LGR5: variants seen among roughly 807,000 people sequenced by gnomAD.
LGR5 encodes the protein leucine rich repeat containing G protein-coupled receptor 5.
A neutral mutation model predicts 76.7 loss-of-function variants in LGR5; 54 were observed. That is an observed-to-expected ratio of 0.70 (90% CI 0.57 to 0.88). LGR5 has a LOEUF of 0.88. Among genes scored for constraint, LGR5 ranks in the 40% least tolerant of loss-of-function variants. The pLI is 0.00. For synonymous variants in LGR5, 406 were observed against 421.9 expected, an observed-to-expected ratio of 0.96 and a Z score of 0.46; for missense variants, 1,078 against 1,073.3, an observed-to-expected ratio of 1.00 and a Z score of -0.06.
intron 3 of LGR5, among the ~76,000 whole-genome samples, chr12:71,532,241 T>C (rs1876355115): frequency 6.6e-6 from 1 of 152,116 alleles, no homozygotes; most frequent in Non-Finnish European, 1.5e-5. Flanking sequence ...CTTGGGAAAA[T>C]GTAAAATAAC....
chr12:71,524,861 G>T (rs139755566), intron 3 of LGR5, among the ~76,000 whole-genome samples: 1 of 152,094 alleles, frequency 6.6e-6, no homozygotes, highest in Non-Finnish European at 1.5e-5. Context: ...GCTTCAAACC[G>T]GTTTCAAAGG....
intron 13 of LGR5, among the ~76,000 whole-genome samples, chr12:71,574,649 A>G (rs1018907834): frequency 6.6e-6 from 1 of 152,184 alleles, no homozygotes; most frequent in African/African-American, 2.4e-5. Context: ...CAAACTTCCC[A>G]GCAACACTCT....
chr12:71,535,175 C>T lies in LGR5; in HGVS notation c.417C>T (p.Ser139=), dbSNP rs779090996. ...VPTEALQNLR[S]LQSLRLDANH... ...CAGAAGCTCTGCAGAATTTGCGAAGCCTTCAATCCCTGTAAGTATAGTAGA... is the reference window on the plus strand; with the variant it reads ...CAGAAGCTCTGCAGAATTTGCGAAGTCTTCAATCCCTGTAAGTATAGTAGA... The change falls in exon 4 of 18, where the codon AGC becomes AGT. Residue 139 remains serine (S), a synonymous_variant. Coordinates refer to ENST00000266674, the MANE Select transcript of LGR5 (RefSeq NM_003667.4). 3 of 1,602,006 alleles carry T rather than the reference C, an allele frequency of 1.9e-6. No homozygotes were observed. Among genetic ancestry groups the T allele is most frequent in the Non-Finnish European group, 2.6e-6 (3 of 1,169,590 alleles).
intron 2 of LGR5, among the ~76,000 whole-genome samples, chr12:71,520,369 G>A (rs534815473): frequency 8.5e-5 from 13 of 152,270 alleles, no homozygotes; most frequent in Non-Finnish European, 1.6e-4. Flanking sequence ...GACAGAGGAT[G>A]TAGAATAGAA....
In LGR5 at chr12:71,583,873, T is replaced by C; in HGVS notation, c.1863T>C (p.Phe621=). The C allele has an allele frequency of 6.2e-7, 1 of 1,614,184 alleles. No homozygotes were observed. Among genetic ancestry groups the C allele is most frequent in the Non-Finnish European group, 8.5e-7 (1 of 1,180,036 alleles). Residue 621 remains phenylalanine (F), a synonymous_variant, in exon 18 of 18, where the codon TTT becomes TTC. Transcript: ENST00000266674. Reference sequence around the variant, plus strand: ...TGGCTGGTGTGGATGCGTTCACTTTTGGCAGCTTTGCACGACATGGTGCCT... The same window carrying C: ...TGGCTGGTGTGGATGCGTTCACTTTCGGCAGCTTTGCACGACATGGTGCCT... The part of the protein sequence containing the change: ...AVLAGVDAFT[F]GSFARHGAWW...
intron 1 of LGR5, among the ~76,000 whole-genome samples, chr12:71,497,196 T>C (rs546536934): frequency 1.3e-5 from 2 of 152,134 alleles, no homozygotes; most frequent in South Asian, 4.2e-4. Context: ...AAACCTGTGG[T>C]TCCAGCTATC....
chr12:71,583,492 T>C (rs948798442), intron 17 of LGR5, 155 bp from the exon 18 acceptor site: 1 of 817,336 alleles, frequency 1.2e-6, no homozygotes, highest in African/African-American at 1.7e-5. Flanking sequence ...TGACAGTGGC[T>C]TGAGATAGTG....
chr12:71,456,854 C>T (rs1872501446), intron 1 of LGR5, among the ~76,000 whole-genome samples: 1 of 152,096 alleles, frequency 6.6e-6, no homozygotes, highest in African/African-American at 2.4e-5. Context: ...CAAGCCAAAG[C>T]TTTAGAAGCT....
rs780336268 is a variant in LGR5, at chr12:71,583,970, C to T, written c.1960C>T (p.Leu654=). 1.2e-6 allele frequency: 2 copies of T among 1,614,170 alleles called. No homozygotes were observed. The highest frequency in any genetic ancestry group is 1.7e-5 in the Admixed American group (1 of 60,022). Residue 654 remains leucine, a synonymous_variant, in exon 18 of 18, where the codon CTG becomes TTG. Coordinates refer to ENST00000266674, the MANE Select transcript of LGR5 (RefSeq NM_003667.4). ...TTTTGCTTCAGAATCATCTGTTTTC[C>T]TGCTTACTCTGGCAGCCCTGGAGCG... The part of the protein sequence containing the change: ...SIFASESSVF[L]LTLAALERGF...
intron 3 of LGR5, among the ~76,000 whole-genome samples, chr12:71,526,828 C>A (rs1876030342): frequency 1.3e-5 from 2 of 152,104 alleles, no homozygotes. Context: ...GGAGCTGAAT[C>A]TTGAAGCACA....
At chr12:71,514,190 T>A (rs767922898) in intron 2 of LGR5, among the ~76,000 whole-genome samples, 38 of 152,104 alleles carry the variant, frequency 2.5e-4, no homozygotes, top group Non-Finnish European at 4.7e-4. Context: ...TTGTATAGAA[T>A]GTATCTTATA....
chr12:71,553,254 T>C lies in LGR5; in HGVS notation c.610T>C (p.Tyr204His). 1.2e-6 allele frequency: 2 copies of C among 1,613,948 alleles called. No individual in the cohort carries two copies. The highest frequency in any genetic ancestry group is 4.5e-5 in the East Asian group (2 of 44,836). Residue 204 changes from tyrosine (Y) to histidine (H), a missense_variant, in exon 5 of 18, where the codon TAT becomes CAT. Physicochemically the swap from Tyr to His is moderately conservative, Grantham distance 83. Transcript: ENST00000266674. ...GAACAAAATACACCACATACCAGAC[T>C]ATGCCTTTGGAAACCTCTCCAGCTT... Reference protein sequence around the residue: ...ALNKIHHIPDYAFGNLSSLVV... With the variant: ...ALNKIHHIPDHAFGNLSSLVV...
At chr12:71,528,031 G>A (rs1321615971) in intron 3 of LGR5, among the ~76,000 whole-genome samples, 1 of 152,180 alleles carries the variant, frequency 6.6e-6, no homozygotes, top group Non-Finnish European at 1.5e-5. Context: ...TTCTGCATAT[G>A]CTTAATAATT....
intron 1 of LGR5, among the ~76,000 whole-genome samples, chr12:71,493,413 AT>A (rs1874167365): frequency 6.6e-6 from 1 of 151,160 alleles, no homozygotes; most frequent in Non-Finnish European, 1.5e-5. Flanking sequence ...ATTTTTGTGT[AT>A]TTTCTTTGCA....
intron 16 of LGR5, 189 bp from the exon 17 acceptor site, chr12:71,582,267 A>C: frequency 1.8e-6 from 1 of 540,782 alleles, no homozygotes; most frequent in Non-Finnish European, 3.3e-6. Flanking sequence ...CAGTTGTACT[A>C]GAATAGTATG....
intron 7 of LGR5, 134 bp from the exon 8 acceptor site, chr12:71,561,647 G>T: frequency 2.2e-6 from 1 of 451,966 alleles, no homozygotes; most frequent in Non-Finnish European, 3.9e-6. Context: ...TAAGTTTCAA[G>T]ATGCATAGAG....
intron 1 of LGR5, among the ~76,000 whole-genome samples, chr12:71,468,635 T>C (rs983545878): frequency 2.6e-5 from 4 of 151,580 alleles, no homozygotes; most frequent in African/African-American, 9.7e-5. Flanking sequence ...AAGCCAGCCA[T>C]ATGCTTTTGA....
intron 9 of LGR5, 58 bp from the exon 10 acceptor site, chr12:71,566,574 A>G: frequency 6.5e-7 from 1 of 1,546,788 alleles, no homozygotes; most frequent in Non-Finnish European, 8.9e-7. Flanking sequence ...AAATGGCAAT[A>G]AAAATTACCC....
At chr12:71,508,451 A>C (rs1874969420) in intron 2 of LGR5, among the ~76,000 whole-genome samples, 1 of 152,048 alleles carries the variant, frequency 6.6e-6, no homozygotes, top group South Asian at 2.1e-4. Flanking sequence ...CACTGACTTA[A>C]TGTTTAAAAA....
Sources: allele counts gnomAD v4.1 joint callset (sites outside exome capture counted in the v4.1 genomes callset), GRCh38; gene constraint gnomAD v4.1.1; transcripts MANE v1.5; gene names NCBI Gene and HGNC (gene_info 2026-07-23, HGNC 2026-07-21).